Variants in ATXN10 observed in about 807,000 individuals in gnomAD.
The protein encoded by ATXN10 is ataxin-10.
ATXN10 carries 28 observed loss-of-function variants against 52.9 expected under a neutral mutation model. The ratio of observed to expected loss-of-function variants is 0.53; its 90% CI spans 0.39 to 0.73. The LOEUF (loss-of-function observed/expected upper bound fraction) is 0.73, where lower values mean the gene tolerates loss of function less well. Ranked by LOEUF, ATXN10 falls within the 30% of genes least tolerant of loss-of-function variation. ATXN10 has a pLI of 0.00. For missense variants in ATXN10, 565 were observed against 577.0 expected (o/e 0.98, Z 0.21); for synonymous variants, 226 against 221.5 (o/e 1.02, Z -0.18).
At chr22:45,740,625 A>T in intron 9 of ATXN10, 87 bp downstream of exon 9, 9 of 1,277,402 alleles carry the variant, frequency 7.0e-6, no homozygotes, top group Non-Finnish European at 9.1e-6. Context: ...TTGGAGTGAA[A>T]GCTTGAGGTG....
At chr22:45,767,906 GTA>G (rs561535569) in intron 9 of ATXN10, among the ~76,000 whole-genome samples, 305 of 152,288 alleles carry the variant, frequency 2.0e-3, no homozygotes, top group Admixed American at 9.2e-3. Context: ...TACACTGTGT[GTA>G]TGTGTACACA....
At position 45,786,513 on chromosome 22, in the gene ATXN10, C is replaced by G. The variant is rs1415043974; in HGVS notation, c.1174-20446C>G. On this transcript the variant is annotated intron_variant, in intron 9 of 11. Transcript: ENST00000252934. The surrounding 1 kb of genome is among the most constrained non-coding windows in gnomAD (Gnocchi z 4.1). Reference sequence around the variant, plus strand: ...CGCCAGTGCAGCCCGCACTTTATCACCCTTCCTGCCAGGGCATTGCTCCCT... The same window carrying G: ...CGCCAGTGCAGCCCGCACTTTATCAGCCTTCCTGCCAGGGCATTGCTCCCT... Among the ~76,000 whole-genome samples, 1 of 152,226 alleles carries G rather than the reference C, an allele frequency of 6.6e-6. No homozygotes were observed. The highest frequency in any genetic ancestry group is 2.4e-5 in the African/African-American group (1 of 41,446).
rs1420071368 is a variant in ATXN10 at position 45,824,112 on chromosome 22, C to T, written c.1237+17090C>T. On this transcript the variant is annotated intron_variant, in intron 10 of 11. Transcript: ENST00000252934. The surrounding 1 kb of genome is among the most constrained non-coding windows in gnomAD (Gnocchi z 5.2). The stretch of plus-strand genomic sequence containing the variant: ...TTACCTTCCTACCTTCCTTTGCCTT[C>T]CCCACGCTCTTACCTGCTGAGTGTA... Among the ~76,000 whole-genome samples the T allele has an allele frequency of 2.0e-5, 3 of 152,142 alleles. No homozygotes were observed.
chr22:45,762,120 G>C lies in ATXN10; in HGVS notation c.1173+21582G>C, dbSNP rs1926414002. The stretch of plus-strand genomic sequence containing the variant: ...ACTCATAAAAGATAGTATTTTACTT[G>C]TAACAATTGCAGAAAAAGTGAAAAG... On this transcript the variant is annotated intron_variant, in intron 9 of 11. Coordinates refer to ENST00000252934, the MANE Select transcript of ATXN10 (RefSeq NM_013236.4). The surrounding 1 kb of genome is among the most constrained non-coding windows in gnomAD (Gnocchi z 4.3). Among the ~76,000 whole-genome samples the C allele has an allele frequency of 6.6e-6, 1 of 152,198 alleles. No individual in the cohort carries two copies.
At position 45,825,682 on chromosome 22, in the gene ATXN10, A is replaced by C. The variant is rs1928791390; in HGVS notation, c.1238-17309A>C. On this transcript the variant is annotated intron_variant, in intron 10 of 11. Coordinates refer to ENST00000252934, the MANE Select transcript of ATXN10 (RefSeq NM_013236.4). This position sits in a 1 kb window ranked among gnomAD's most constrained non-coding sequence, Gnocchi z 4.5. ...GGCCCATTCAAGGGGGAAAAAATGA[A>C]ACAAACAGAAACCATTCTTGGATTC... Among the ~76,000 whole-genome samples the C allele has an allele frequency of 6.6e-6, 1 of 152,206 alleles. No individual in the cohort carries two copies. The highest frequency in any genetic ancestry group is 6.5e-5 in the Admixed American group (1 of 15,290).
intron 10 of ATXN10, among the ~76,000 whole-genome samples, chr22:45,812,162 C>T (rs1408833979): frequency 6.6e-6 from 1 of 152,154 alleles, no homozygotes; most frequent in East Asian, 1.9e-4. Context: ...TCTCTCAAGT[C>T]CCAGCTGAGA....
chr22:45,784,858 G>A lies in ATXN10; in HGVS notation c.1174-22101G>A, dbSNP rs950340118. Among the ~76,000 whole-genome samples the A allele has an allele frequency of 2.6e-5, 4 of 152,226 alleles. No homozygotes were observed. The highest frequency in any genetic ancestry group is 2.1e-4 in the South Asian group (1 of 4,820). On this transcript the variant is annotated intron_variant, in intron 9 of 11. Transcript: ENST00000252934. This position sits in a 1 kb window ranked among gnomAD's most constrained non-coding sequence, Gnocchi z 4.2. ...CAGGGCATTATTTATTGATGGCAAG[G>A]AGCTTATCATAATACAACAAGCAAT...
intron 9 of ATXN10, chr22:45,760,674 C>T (rs1926354486): frequency 6.5e-6 from 1 of 154,110 alleles, no homozygotes; most frequent in African/African-American, 2.4e-5. Context: ...GAGTATTCGT[C>T]TCTTACCTCA....
intron 10 of ATXN10, among the ~76,000 whole-genome samples, chr22:45,838,122 T>C (rs990910386): frequency 3.3e-5 from 5 of 152,262 alleles, no homozygotes; most frequent in African/African-American, 1.2e-4. Flanking sequence ...AAAAGTGAGC[T>C]TGGCACATCA....
chr22:45,755,374 A>G (rs1402948063), intron 9 of ATXN10, among the ~76,000 whole-genome samples: 3 of 152,168 alleles, frequency 2.0e-5, no homozygotes, highest in African/African-American at 7.2e-5. Flanking sequence ...ACTTGTATGG[A>G]TGTATTTCTA....
At chr22:45,707,645 A>G (rs1263359074) in intron 5 of ATXN10, among the ~76,000 whole-genome samples, 2 of 147,796 alleles carry the variant, frequency 1.4e-5, no homozygotes, top group African/African-American at 2.5e-5. Flanking sequence ...AATATAATAT[A>G]ATATGATATA....
intron 7 of ATXN10, among the ~76,000 whole-genome samples, chr22:45,737,099 T>C (rs1451312186): frequency 6.6e-6 from 1 of 152,220 alleles, no homozygotes; most frequent in Non-Finnish European, 1.5e-5. Context: ...TTGGTTTGTT[T>C]TGTTTTATTT....
intron 5 of ATXN10, among the ~76,000 whole-genome samples, chr22:45,713,556 C>T (rs984595650): frequency 6.6e-6 from 1 of 152,144 alleles, no homozygotes; most frequent in Non-Finnish European, 1.5e-5. Flanking sequence ...AATGGTACTT[C>T]CACCAAGATG....
At position 45,805,376 on chromosome 22, in the gene ATXN10, T is replaced by C. The variant is rs1168625584; in HGVS notation, c.1174-1583T>C. The stretch of plus-strand genomic sequence containing the variant: ...TATACCCAAGAACAATGAATACTTA[T>C]ATCCACTCAAAAACATGTACATGCA... On this transcript the variant is annotated intron_variant, in intron 9 of 11. Coordinates refer to ENST00000252934, the MANE Select transcript of ATXN10 (RefSeq NM_013236.4). This position sits in a 1 kb window ranked among gnomAD's most constrained non-coding sequence, Gnocchi z 4.4. 6.6e-6 allele frequency among the ~76,000 whole-genome samples: 1 copy of C among 152,206 alleles called. No homozygotes were observed. The highest frequency in any genetic ancestry group is 1.5e-5 in the Non-Finnish European group (1 of 68,038).
rs937807103 is a variant in ATXN10, at chr22:45,718,475, A to G, written c.710A>G (p.Lys237Arg). Residue 237 changes from lysine (K) to arginine (R), a missense_variant, in exon 6 of 12, where the codon AAA (lysine) becomes AGA (arginine). Physicochemically the swap from Lys to Arg is conservative, Grantham distance 26. Coordinates refer to ENST00000252934, the MANE Select transcript of ATXN10 (RefSeq NM_013236.4). This position sits in a 1 kb window ranked among gnomAD's most constrained non-coding sequence, Gnocchi z 4.4. ...SPELVQAMFP[K>R]LNNQERVTLL... The stretch of plus-strand genomic sequence containing the variant: ...GAATTGGTACAAGCCATGTTTCCCA[A>G]ACTGAACAATCAAGAAAGGTAACCC... 1.9e-6 allele frequency: 3 copies of G among 1,613,702 alleles called. No individual in the cohort carries two copies. Among genetic ancestry groups the G allele is most frequent in the African/African-American group, 1.3e-5 (1 of 75,006 alleles).
Position 45,718,500 on chromosome 22 carries a change from C to A in ATXN10, c.728+7C>A, listed in dbSNP as rs748131464. On this transcript the variant is annotated splice_region_variant and intron_variant, in intron 6 of 11. Coordinates refer to ENST00000252934, the MANE Select transcript of ATXN10 (RefSeq NM_013236.4). This position sits in a 1 kb window ranked among gnomAD's most constrained non-coding sequence, Gnocchi z 4.4. ...AACTGAACAATCAAGAAAGGTAACC[C>A]CCCAACCAGCGTGGTCTGGAGTATT... 1 of 1,611,768 alleles carries A rather than the reference C, an allele frequency of 6.2e-7. No homozygotes were observed. The highest frequency in any genetic ancestry group is 8.5e-7 in the Non-Finnish European group (1 of 1,177,950).
chr22:45,735,466 A>G (rs1925257290), intron 7 of ATXN10, among the ~76,000 whole-genome samples: 10 of 151,944 alleles, frequency 6.6e-5, no homozygotes, highest in Admixed American at 6.6e-4. Context: ...GTTCCCTCCA[A>G]ACAAATTGGA....
rs548881124 is a variant in ATXN10, at chr22:45,701,225, A to G, written c.488+847A>G. Among the ~76,000 whole-genome samples the G allele has an allele frequency of 1.4e-4, 21 of 152,318 alleles. No homozygotes were observed. The highest frequency in any genetic ancestry group is 4.1e-4 in the South Asian group (2 of 4,826). On this transcript the variant is annotated intron_variant, in intron 4 of 11. Transcript: ENST00000252934. The surrounding 1 kb of genome is among the most constrained non-coding windows in gnomAD (Gnocchi z 4.2). ...TCCGTATATTTTTTCTGTTCTCACA[A>G]TAGCCTGCAGAGTAAGTGTTACTGT...
At chr22:45,827,412 G>A (rs1928852473) in intron 10 of ATXN10, among the ~76,000 whole-genome samples, 2 of 152,136 alleles carry the variant, frequency 1.3e-5, no homozygotes, top group Admixed American at 1.3e-4. Flanking sequence ...CTGTCTACAA[G>A]AGATTCAGTT....
Sources: gnomAD v4.1 joint callset for allele counts (sites outside exome capture counted in the v4.1 genomes callset) on GRCh38, gnomAD v4.1.1 for gene constraint, Gnocchi (gnomAD v3.1) non-coding constraint, MANE v1.5 for transcripts, NCBI Gene and HGNC (gene_info 2026-07-23, HGNC 2026-07-21) for gene names.